CNTN4: variants seen among roughly 807,000 people sequenced by gnomAD.
CNTN4 encodes the protein contactin-4.
A neutral mutation model predicts 122.5 loss-of-function variants in CNTN4; 77 were observed. The observed-to-expected ratio is 0.63, with a 90% CI of 0.52 to 0.76. CNTN4 has a LOEUF of 0.76. Among genes scored for constraint, CNTN4 ranks in the 30% least tolerant of loss-of-function variants. CNTN4 has a pLI of 0.00. For missense variants in CNTN4, 1,256 were observed against 1,259.1 expected (o/e 1.00, Z 0.04); for synonymous variants, 512 against 447.0 (o/e 1.15, Z -1.83).
chr3:2,367,644 C>T (rs765608824), intron 3 of CNTN4, among the ~76,000 whole-genome samples: 7 of 152,212 alleles, frequency 4.6e-5, no homozygotes, highest in Admixed American at 1.3e-4. Flanking sequence ...CCACCACACC[C>T]GGCTAATTTT....
At chr3:2,898,521 A>G (rs536029109) in intron 10 of CNTN4, among the ~76,000 whole-genome samples, 28 of 152,300 alleles carry the variant, frequency 1.8e-4, no homozygotes, top group Middle Eastern at 6.8e-3. Flanking sequence ...AATTCTCTCC[A>G]GTCCCTCCCT....
intron 4 of CNTN4, among the ~76,000 whole-genome samples, chr3:2,581,593 G>C (rs1027014862): frequency 2.0e-5 from 3 of 152,186 alleles, no homozygotes; most frequent in African/African-American, 7.2e-5. Flanking sequence ...GAGAATGTCA[G>C]AGTCTTGTAT....
chr3:2,115,737 G>T (rs1164844688), intron 2 of CNTN4, among the ~76,000 whole-genome samples: 2 of 152,168 alleles, frequency 1.3e-5, no homozygotes, highest in African/African-American at 2.4e-5. Context: ...TCATACAACC[G>T]CAGCTGCCAT....
intron 3 of CNTN4, among the ~76,000 whole-genome samples, chr3:2,443,766 A>G (rs1437389321): frequency 6.6e-6 from 1 of 152,172 alleles, no homozygotes; most frequent in East Asian, 1.9e-4. Context: ...TAAAGGGACC[A>G]AAAGCAGTGA....
intron 2 of CNTN4, among the ~76,000 whole-genome samples, chr3:2,318,482 T>C (rs561108586): frequency 1.6e-4 from 25 of 152,196 alleles, no homozygotes; most frequent in African/African-American, 4.1e-4. Flanking sequence ...TTCTTCTTCA[T>C]TGAAGCATTT....
intron 3 of CNTN4, among the ~76,000 whole-genome samples, chr3:2,397,113 C>T (rs2046669986): frequency 6.6e-6 from 1 of 152,102 alleles, no homozygotes; most frequent in African/African-American, 2.4e-5. Flanking sequence ...AGAAAACTGC[C>T]TGAAAGTAAA....
chr3:2,136,370 A>G (rs2034692299), intron 2 of CNTN4, among the ~76,000 whole-genome samples: 1 of 152,224 alleles, frequency 6.6e-6, no homozygotes, highest in Non-Finnish European at 1.5e-5. Flanking sequence ...TTCACTAATG[A>G]CTGAACAAAT....
chr3:2,392,044 C>A (rs1446774347), intron 3 of CNTN4, among the ~76,000 whole-genome samples: 1 of 152,078 alleles, frequency 6.6e-6, no homozygotes, highest in African/African-American at 2.4e-5. Flanking sequence ...AGAACTGAAC[C>A]ATCTCCAAAT....
At chr3:2,485,556 C>G (rs934793253) in intron 3 of CNTN4, among the ~76,000 whole-genome samples, 3 of 152,004 alleles carry the variant, frequency 2.0e-5, no homozygotes, top group South Asian at 2.1e-4. Context: ...ATACACCCAT[C>G]GGCACTCTGT....
chr3:2,438,094 A>G (rs1026871932), intron 3 of CNTN4, among the ~76,000 whole-genome samples: 2 of 152,082 alleles, frequency 1.3e-5, no homozygotes, highest in African/African-American at 2.4e-5. Flanking sequence ...TTATGTTTCT[A>G]TTGACCTCCG....
At chr3:2,386,386 A>T (rs889480573) in intron 3 of CNTN4, among the ~76,000 whole-genome samples, 2 of 152,208 alleles carry the variant, frequency 1.3e-5, no homozygotes, top group Non-Finnish European at 2.9e-5. Flanking sequence ...GTTTTACTGT[A>T]ATCACTTCAG....
At position 2,416,709 on chromosome 3, in the gene CNTN4, A is replaced by G. The variant is rs568155133; in HGVS notation, c.-89+77476A>G. Among the ~76,000 whole-genome samples, 145 of 151,820 alleles carry G rather than the reference A, an allele frequency of 9.6e-4. No individual in the cohort carries two copies. The Middle Eastern group carries it at 0.014, about 15-fold the overall frequency. ...CTGTCTGTCGCCCAGGCTGGAGTGCAGTGGTGTGATCTCAGCTCACTGCAA... is the reference window on the plus strand; with the variant it reads ...CTGTCTGTCGCCCAGGCTGGAGTGCGGTGGTGTGATCTCAGCTCACTGCAA... On this transcript the variant is annotated intron_variant, in intron 3 of 24. Transcript: ENST00000418658.
intron 2 of CNTN4, among the ~76,000 whole-genome samples, chr3:2,291,495 CAAAA>C (rs2042133495): frequency 6.6e-6 from 1 of 152,020 alleles, no homozygotes; most frequent in Non-Finnish European, 1.5e-5. Flanking sequence ...TAAAAGAACT[CAAAA>C]TAAATTTTTA....
chr3:2,191,464 T>A (rs2037540972), intron 2 of CNTN4, among the ~76,000 whole-genome samples: 2 of 152,292 alleles, frequency 1.3e-5, no homozygotes, highest in South Asian at 4.1e-4. Flanking sequence ...TTGTCCTCTA[T>A]GTCCCTTTTG....
chr3:2,581,156 G>A (rs541470283), intron 4 of CNTN4, among the ~76,000 whole-genome samples: 6 of 152,248 alleles, frequency 3.9e-5, no homozygotes, highest in African/African-American at 7.2e-5. Flanking sequence ...TGCAGGTGGG[G>A]TTGTCCTTGT....
At chr3:2,408,343 AACCATTTATT>A (rs1466183256) in intron 3 of CNTN4, among the ~76,000 whole-genome samples, 1 of 152,210 alleles carries the variant, frequency 6.6e-6, no homozygotes, top group Non-Finnish European at 1.5e-5. Flanking sequence ...TGCCGCCTTC[AACCATTTATT>A]ACTAATTCAT....
At chr3:3,032,103 G>A (rs1699213536) in intron 16 of CNTN4, among the ~76,000 whole-genome samples, 1 of 152,054 alleles carries the variant, frequency 6.6e-6, no homozygotes, top group African/African-American at 2.4e-5. Context: ...CCTTTCAATT[G>A]CCTTTAAAAA....
chr3:2,286,948 A>T (rs1442837481), intron 2 of CNTN4, among the ~76,000 whole-genome samples: 1 of 152,228 alleles, frequency 6.6e-6, no homozygotes, highest in Non-Finnish European at 1.5e-5. Flanking sequence ...TACCCCTGAG[A>T]TGGATTAAGC....
chr3:2,714,018 GC>G (rs2087321048), intron 4 of CNTN4, among the ~76,000 whole-genome samples: 1 of 152,108 alleles, frequency 6.6e-6, no homozygotes. Context: ...TTAAATGTTA[GC>G]TATTTTCACT....
Sources: allele counts gnomAD v4.1 joint callset (sites outside exome capture counted in the v4.1 genomes callset), GRCh38; gene constraint gnomAD v4.1.1; transcripts MANE v1.5; gene names NCBI Gene and HGNC (gene_info 2026-07-23, HGNC 2026-07-21).